Variants in PALM2AKAP2 observed in about 807,000 individuals in gnomAD.
PALM2AKAP2 encodes the protein PALM2-AKAP2 fusion protein.
A neutral mutation model predicts 71.5 loss-of-function variants in PALM2AKAP2; 37 were observed. That is an observed-to-expected ratio of 0.52 (90% CI 0.40 to 0.68). PALM2AKAP2 has a LOEUF of 0.68. Ranked by LOEUF, PALM2AKAP2 falls within the 30% of genes least tolerant of loss-of-function variation. The pLI, the probability that PALM2AKAP2 is intolerant of heterozygous loss-of-function variation, is 0.00. For synonymous variants in PALM2AKAP2, 468 were observed against 478.8 expected, an observed-to-expected ratio of 0.98 and a Z score of 0.29; for missense variants, 1,224 against 1,191.8, an observed-to-expected ratio of 1.03 and a Z score of -0.40.
intron 1 of PALM2AKAP2, among the ~76,000 whole-genome samples, chr9:110,135,164 A>AAATATATATATATATATATATATAT: frequency 3.9e-5 from 2 of 51,714 alleles, no homozygotes; most frequent in Non-Finnish European, 7.5e-5. Context: ...AAAAAAAAAA[A>AAATATATATATATATATATATATAT]ATATATAAAT....
At chr9:109,957,233 T>G (rs1831763934) in intron 6 of PALM2AKAP2, among the ~76,000 whole-genome samples, 1 of 152,316 alleles carries the variant, frequency 6.6e-6, no homozygotes. Context: ...GGGCTCTTGC[T>G]GAGTTAATTG....
At chr9:110,096,769 A>T (rs1834849735) in intron 1 of PALM2AKAP2, among the ~76,000 whole-genome samples, 1 of 150,826 alleles carries the variant, frequency 6.6e-6, no homozygotes, top group Non-Finnish European at 1.5e-5. Context: ...TTTTCTGGGA[A>T]AGAGACTTTT....
chr9:109,987,068 T>G (rs1832391752), intron 6 of PALM2AKAP2, among the ~76,000 whole-genome samples: 1 of 152,224 alleles, frequency 6.6e-6, no homozygotes, highest in Non-Finnish European at 1.5e-5. Context: ...GGAAGCTGTG[T>G]GAATATTTAC....
At chr9:109,725,652 T>C (rs1011662611) in intron 1 of PALM2AKAP2, among the ~76,000 whole-genome samples, 11 of 152,174 alleles carry the variant, frequency 7.2e-5, no homozygotes, top group African/African-American at 2.4e-4. Context: ...TATACAGGCA[T>C]TAAAAATGAT....
chr9:110,118,530 C>T (rs914609232), intron 1 of PALM2AKAP2, among the ~76,000 whole-genome samples: 1 of 152,008 alleles, frequency 6.6e-6, no homozygotes, highest in Admixed American at 6.6e-5. Flanking sequence ...TTACAGGTAT[C>T]AGCCACTGCT....
rs530652895 is a variant in PALM2AKAP2 at position 110,013,447 on chromosome 9, G to C, written c.497-2507G>C. On this transcript the variant is annotated intron_variant, in intron 6 of 9. Coordinates refer to the PALM2AKAP2 transcript ENST00000302798. ...ATCAAAAGTGGCTTAAAGCAGGAGG[G>C]GTTATTAGTCGGTTAAAAGCAAAGC... Among the ~76,000 whole-genome samples the C allele has an allele frequency of 4.9e-4, 74 of 152,262 alleles. 1 individual carries two copies. The highest frequency in any genetic ancestry group is 1.7e-3 in the African/African-American group (72 of 41,554).
intron 6 of PALM2AKAP2, among the ~76,000 whole-genome samples, chr9:110,013,639 A>G (rs1832922976): frequency 6.6e-6 from 1 of 152,240 alleles, no homozygotes; most frequent in African/African-American, 2.4e-5. Context: ...AGAGAGGACA[A>G]CTATTTGCAC....
chr9:110,061,080 A>G (rs1833955732), intron 1 of PALM2AKAP2, among the ~76,000 whole-genome samples: 1 of 152,150 alleles, frequency 6.6e-6, no homozygotes. Context: ...GTCACGTCTC[A>G]TGAACTCCAC....
intron 1 of PALM2AKAP2, among the ~76,000 whole-genome samples, chr9:109,769,793 C>T (rs1050058534): frequency 6.6e-6 from 1 of 152,136 alleles, no homozygotes; most frequent in Non-Finnish European, 1.5e-5. Flanking sequence ...GTCCTGAAAT[C>T]TATTTTTGTT....
At chr9:110,013,930 G>A (rs558151553) in intron 6 of PALM2AKAP2, among the ~76,000 whole-genome samples, 12 of 152,306 alleles carry the variant, frequency 7.9e-5, no homozygotes, top group Admixed American at 2.6e-4. Flanking sequence ...GGCTGGTAGA[G>A]TACATCTCAT....
intron 1 of PALM2AKAP2, among the ~76,000 whole-genome samples, chr9:110,086,558 T>C (rs1834578792): frequency 6.6e-6 from 1 of 152,194 alleles, no homozygotes; most frequent in Non-Finnish European, 1.5e-5. Context: ...ATTACTGTTG[T>C]ACCTGTGGGC....
At chr9:110,170,116 C>T (rs1836822847) in exon 4 of PALM2AKAP2, 1 of 152,296 alleles carries the variant, frequency 6.6e-6, no homozygotes, top group Non-Finnish European at 1.5e-5. Context: ...CAGCTTTAAT[C>T]TTTCTGTCAT....
intron 3 of PALM2AKAP2, among the ~76,000 whole-genome samples, chr9:110,160,798 T>C (rs917376694): frequency 6.6e-6 from 1 of 152,220 alleles, no homozygotes; most frequent in African/African-American, 2.4e-5. Flanking sequence ...TCTTTACTTT[T>C]AGCGCAGGAT....
intron 1 of PALM2AKAP2, among the ~76,000 whole-genome samples, chr9:109,690,507 C>T (rs1827866884): frequency 6.6e-6 from 1 of 152,126 alleles, no homozygotes; most frequent in Non-Finnish European, 1.5e-5. Context: ...AAATGGTCTT[C>T]TATTTTCCTA....
chr9:110,010,319 CATT>C (rs1832856822), intron 6 of PALM2AKAP2, among the ~76,000 whole-genome samples: 1 of 151,498 alleles, frequency 6.6e-6, no homozygotes, highest in Non-Finnish European at 1.5e-5. Context: ...TTCTCAAAGA[CATT>C]ATAAGTAAGA....
intron 1 of PALM2AKAP2, among the ~76,000 whole-genome samples, chr9:109,752,099 T>C (rs996769688): frequency 6.6e-6 from 1 of 152,170 alleles, no homozygotes; most frequent in Non-Finnish European, 1.5e-5. Flanking sequence ...GCTAGGTCTG[T>C]GCTAGGTGCT....
intron 2 of PALM2AKAP2, among the ~76,000 whole-genome samples, chr9:109,872,241 A>G (rs570175415): frequency 3.1e-4 from 47 of 152,180 alleles, no homozygotes; most frequent in African/African-American, 1.1e-3. Context: ...ACAATTATTT[A>G]TTTTTATTGT....
At chr9:109,855,353 A>ATGAGC (rs1829135516) in intron 1 of PALM2AKAP2, among the ~76,000 whole-genome samples, 1 of 152,214 alleles carries the variant, frequency 6.6e-6, no homozygotes, top group Admixed American at 6.5e-5. Flanking sequence ...GATTACAGGC[A>ATGAGC]TGAGCCACTG....
In PALM2AKAP2 at chr9:109,640,823, T is replaced by C. The variant is rs532618353; in HGVS notation, c.-39T>C. On this transcript the variant is annotated 5_prime_UTR_variant, in exon 1 of 7. Coordinates refer to the PALM2AKAP2 transcript ENST00000374531. ...CTCCGGGAGAGGCGAGCAGCGCCGG[T>C]GAGCCCCGCAGCAGCGCACCCGGCC... The C allele has an allele frequency of 1.3e-3, 1,957 of 1,513,054 alleles. 10 individuals are homozygous for C. Among genetic ancestry groups the C allele is most frequent in the African/African-American group, 8.9e-3 (627 of 70,212 alleles). 93.7% of individuals were successfully genotyped at this position (1,513,054 alleles called of 1,614,324 possible). A position where few individuals can be genotyped will look rare whatever the true frequency, so the allele number is the denominator to read the frequency against.
Sources: allele counts gnomAD v4.1 joint callset (sites outside exome capture counted in the v4.1 genomes callset), GRCh38; gene constraint gnomAD v4.1.1; transcripts MANE v1.5; gene names NCBI Gene and HGNC (gene_info 2026-07-23, HGNC 2026-07-21).